TUSC3: variants seen among roughly 807,000 people sequenced by gnomAD.
TUSC3 encodes tumor suppressor candidate 3.
A neutral mutation model predicts 44.8 loss-of-function variants in TUSC3; 45 were observed. The ratio of observed to expected loss-of-function variants is 1.00; its 90% CI spans 0.79 to 1.29. TUSC3 has a LOEUF of 1.29. Among genes scored for constraint, TUSC3 ranks in the 50% most tolerant of loss-of-function variants. The pLI is 0.00. For synonymous variants in TUSC3, 212 were observed against 152.9 expected, an observed-to-expected ratio of 1.39 and a Z score of -2.85; for missense variants, 519 against 437.9, an observed-to-expected ratio of 1.19 and a Z score of -1.65.
At chr8:15,546,645 CCT>C (rs1269541296) in intron 1 of TUSC3, among the ~76,000 whole-genome samples, 1 of 151,588 alleles carries the variant, frequency 6.6e-6, no homozygotes, top group African/African-American at 2.4e-5. Context: ...AAGCAATCCC[CCT>C]GCCTCAGCCT....
chr8:15,728,295 T>G lies in TUSC3; in HGVS notation c.799-2371T>G, dbSNP rs961157225. 2.0e-5 allele frequency among the ~76,000 whole-genome samples: 3 copies of G among 152,154 alleles called. No individual in the cohort carries two copies. In the East Asian group the frequency reaches 5.8e-4, roughly 29 times the overall value. ...AATAAAGGAGGCTATTGCAATCATC[T>G]AGGCAAGAGATGATGAGTGGCTGGA... On this transcript the variant is annotated intron_variant, in intron 6 of 10. Coordinates refer to ENST00000503731, the MANE Select transcript of TUSC3 (RefSeq NM_006765.4).
At chr8:15,574,251 C>T (rs1803003110) in intron 1 of TUSC3, among the ~76,000 whole-genome samples, 1 of 152,108 alleles carries the variant, frequency 6.6e-6, no homozygotes. Flanking sequence ...CTCCTTCTCT[C>T]TCTTTGTCTT....
chr8:15,562,997 A>AC (rs1210504053), intron 1 of TUSC3, among the ~76,000 whole-genome samples: 1 of 98,580 alleles, frequency 1.0e-5, no homozygotes, highest in Admixed American at 9.9e-5. Context: ...GTCCATGCCC[A>AC]GGGGAGGCAG....
chr8:15,657,093 T>G (rs948601046), intron 3 of TUSC3, among the ~76,000 whole-genome samples: 2 of 152,168 alleles, frequency 1.3e-5, no homozygotes, highest in Non-Finnish European at 2.9e-5. Context: ...CTTCAGGGTC[T>G]TTCTCCCATT....
At chr8:15,743,113 C>G (rs1253420612) in intron 7 of TUSC3, among the ~76,000 whole-genome samples, 1 of 152,104 alleles carries the variant, frequency 6.6e-6, no homozygotes, top group Non-Finnish European at 1.5e-5. Context: ...TTCAACTAAA[C>G]AAAATCTATG....
chr8:15,712,014 C>G (rs1362884020), intron 6 of TUSC3, among the ~76,000 whole-genome samples: 1 of 151,812 alleles, frequency 6.6e-6, no homozygotes, highest in African/African-American at 2.4e-5. Context: ...TCTTTTCCTT[C>G]CAAGAAGAAA....
chr8:15,429,949 A>T (rs1320047091), intron 1 of TUSC3, among the ~76,000 whole-genome samples: 4 of 151,714 alleles, frequency 2.6e-5, no homozygotes, highest in Non-Finnish European at 5.9e-5. Flanking sequence ...TGAATCTCTG[A>T]ATAGACCAAT....
At chr8:15,836,644 G>T in the TUSC3 span, among the ~76,000 whole-genome samples, 1 of 152,084 alleles carries the variant, frequency 6.6e-6, no homozygotes, top group East Asian at 1.9e-4. Flanking sequence ...TCTTTTGCGT[G>T]ACTTCCTATT....
At chr8:15,627,455 A>G (rs1233212505) in intron 2 of TUSC3, among the ~76,000 whole-genome samples, 1 of 152,230 alleles carries the variant, frequency 6.6e-6, no homozygotes, top group Non-Finnish European at 1.5e-5. Context: ...ATGCTGGACA[A>G]GAACTTGGGA....
At chr8:15,652,468 A>G (rs913237039) in intron 3 of TUSC3, among the ~76,000 whole-genome samples, 1 of 152,150 alleles carries the variant, frequency 6.6e-6, no homozygotes, top group Non-Finnish European at 1.5e-5. Flanking sequence ...CTATTCAGCA[A>G]ATAGTTTTGC....
rs367643198 is a variant in TUSC3, at chr8:15,681,145, G to A, written c.798+7309G>A. On this transcript the variant is annotated intron_variant, in intron 6 of 10. Transcript: ENST00000503731. The stretch of plus-strand genomic sequence containing the variant: ...CATCCTTGATTTTTTTTTTTTTTTG[G>A]AATAGTTTCAGTAAAATTGATGTCA... Among the ~76,000 whole-genome samples, 19 of 147,406 alleles carry A rather than the reference G, an allele frequency of 1.3e-4. No individual in the cohort carries two copies. The East Asian group carries it at 3.7e-3, about 29-fold the overall frequency.
intron 1 of TUSC3, among the ~76,000 whole-genome samples, chr8:15,442,821 C>G (rs1800038371): frequency 6.6e-6 from 1 of 152,150 alleles, no homozygotes; most frequent in Non-Finnish European, 1.5e-5. Flanking sequence ...CCTACTAGAC[C>G]TCAGCCTTGG....
the TUSC3 span, among the ~76,000 whole-genome samples, chr8:15,787,530 A>G: frequency 5.9e-5 from 9 of 152,336 alleles, no homozygotes; most frequent in East Asian, 1.7e-3. Context: ...TTATGATGTC[A>G]ATGAAAACCT....
rs2543150 is a variant in TUSC3 at position 15,744,703 on chromosome 8, A to G, written c.937+1091A>G. On this transcript the variant is annotated intron_variant, in intron 8 of 10. Coordinates refer to ENST00000503731, the MANE Select transcript of TUSC3 (RefSeq NM_006765.4). ...TATTGTATTAAAGAAACTACAAAAG[A>G]AAGGAGATTACTTTATCATGTTGAA... 7.7e-3 allele frequency among the ~76,000 whole-genome samples: 897 copies of G among 117,018 alleles called. 8 individuals are homozygous for G. The highest frequency in any genetic ancestry group is 0.026 in the African/African-American group (839 of 32,230). 76.8% of individuals were successfully genotyped at this position (117,018 alleles called of 152,430 possible).
chr8:15,448,131 A>ATTTATTTT (rs1563253395), intron 1 of TUSC3, among the ~76,000 whole-genome samples: 2 of 144,092 alleles, frequency 1.4e-5, no homozygotes, highest in East Asian at 2.0e-4. Flanking sequence ...TTATTTATTT[A>ATTTATTTT]TTTTTTAGAT....
chr8:15,638,439 A>C (rs1021103118), intron 2 of TUSC3, among the ~76,000 whole-genome samples: 13 of 151,550 alleles, frequency 8.6e-5, no homozygotes, highest in Admixed American at 1.3e-4. Context: ...GTATAGTTTT[A>C]ATCTTTGTAG....
chr8:15,477,158 G>C (rs184248704), intron 1 of TUSC3, among the ~76,000 whole-genome samples: 1 of 152,100 alleles, frequency 6.6e-6, no homozygotes, highest in Non-Finnish European at 1.5e-5. Context: ...TTAGTTCTGG[G>C]AAGTCAGCAT....
the TUSC3 span, among the ~76,000 whole-genome samples, chr8:15,817,425 A>T: frequency 6.6e-6 from 1 of 152,102 alleles, no homozygotes; most frequent in African/African-American, 2.4e-5. Context: ...TATAAAACAA[A>T]TGTGGTTTGG....
At chr8:15,471,837 C>G (rs1165109389) in intron 1 of TUSC3, among the ~76,000 whole-genome samples, 1 of 152,048 alleles carries the variant, frequency 6.6e-6, no homozygotes, top group Non-Finnish European at 1.5e-5. Context: ...AGGCTGGTCT[C>G]GAACTCCTGA....
Sources: gnomAD v4.1 joint callset for allele counts (sites outside exome capture counted in the v4.1 genomes callset) on GRCh38, gnomAD v4.1.1 for gene constraint, MANE v1.5 for transcripts, NCBI Gene and HGNC (gene_info 2026-07-23, HGNC 2026-07-21) for gene names.